SNAP25: variants seen among roughly 807,000 people sequenced by gnomAD.
SNAP25 encodes synaptosomal-associated protein 25.
SNAP25 carries 3 observed loss-of-function variants against 28.7 expected under a neutral mutation model. That is an observed-to-expected ratio of 0.10 (90% CI 0.05 to 0.27). The LOEUF (loss-of-function observed/expected upper bound fraction) is 0.27, where lower values mean the gene tolerates loss of function less well. Among genes scored for constraint, SNAP25 ranks in the 10% least tolerant of loss-of-function variants. SNAP25 has a pLI of 1.00. For synonymous variants in SNAP25, 61 were observed against 88.1 expected, an observed-to-expected ratio of 0.69 and a Z score of 1.72; for missense variants, 117 against 278.7, an observed-to-expected ratio of 0.42 and a Z score of 4.13.
At chr20:10,290,520 T>C (rs2063973376) in intron 4 of SNAP25, among the ~76,000 whole-genome samples, 2 of 152,130 alleles carry the variant, frequency 1.3e-5, no homozygotes, top group Non-Finnish European at 2.9e-5. Flanking sequence ...TTTCCCTTTT[T>C]AATATCAATT....
intron 1 of SNAP25, among the ~76,000 whole-genome samples, chr20:10,239,678 T>G (rs755436368): frequency 1.4e-4 from 22 of 152,188 alleles, no homozygotes; most frequent in Non-Finnish European, 3.1e-4. Flanking sequence ...ATGGGGAAAC[T>G]GAGGTTCTAA....
At chr20:10,274,492 A>T (rs1296181980) in intron 1 of SNAP25, among the ~76,000 whole-genome samples, 7 of 152,244 alleles carry the variant, frequency 4.6e-5, no homozygotes, top group Non-Finnish European at 1.0e-4. Context: ...AGTAGTACAC[A>T]CTATGTGATT....
At chr20:10,224,282 T>TTTTTTTTTTTTTTTG (rs2062693568) in intron 1 of SNAP25, among the ~76,000 whole-genome samples, 1 of 132,744 alleles carries the variant, frequency 7.5e-6, no homozygotes, top group Non-Finnish European at 1.6e-5. Context: ...TTTTTTTTTT[T>TTTTTTTTTTTTTTTG]TTTTTTTTTT....
In SNAP25 at chr20:10,279,349, T is replaced by C. The variant is rs548017330; in HGVS notation, c.114+1623T>C. The stretch of plus-strand genomic sequence containing the variant: ...GTATATTATTACATTATTATCATAA[T>C]ACATCCTTATGGCTTTCAACCATAG... On this transcript the variant is annotated intron_variant, in intron 3 of 7. Coordinates refer to ENST00000254976, the MANE Select transcript of SNAP25 (RefSeq NM_130811.4). 2.6e-5 allele frequency among the ~76,000 whole-genome samples: 4 copies of C among 152,364 alleles called. No individual in the cohort carries two copies. The South Asian group carries it at 8.3e-4, about 32-fold the overall frequency.
chr20:10,279,969 C>T (rs142673027), intron 3 of SNAP25, among the ~76,000 whole-genome samples: 1 of 152,274 alleles, frequency 6.6e-6, no homozygotes, highest in Non-Finnish European at 1.5e-5. Context: ...TCAAAAAGGA[C>T]GTTCTCTAAA....
chr20:10,231,743 C>G (rs1033801369), intron 1 of SNAP25: 1 of 152,114 alleles, frequency 6.6e-6, no homozygotes, highest in Non-Finnish European at 1.5e-5. Flanking sequence ...TTTTGAGCAC[C>G]AATATGACCC....
At chr20:10,269,521 T>C (rs116020433) in intron 1 of SNAP25, among the ~76,000 whole-genome samples, 2,382 of 152,356 alleles carry the variant, frequency 0.016, 69 homozygotes, top group African/African-American at 0.055. Context: ...TGTGTGTCTA[T>C]AGGAAATGTA....
chr20:10,234,904 T>G (rs1472016445), intron 1 of SNAP25, among the ~76,000 whole-genome samples: 3 of 152,096 alleles, frequency 2.0e-5, no homozygotes, highest in Non-Finnish European at 4.4e-5. Flanking sequence ...TAAAATAAAA[T>G]AAATAGGGAT....
At chr20:10,306,096 A>G (rs1351975148) in intron 7 of SNAP25, 33 bp from the exon 8 acceptor site, 1 of 1,609,746 alleles carries the variant, frequency 6.2e-7, no homozygotes, top group Non-Finnish European at 8.5e-7. Flanking sequence ...TTAAGGGGTA[A>G]CCTGAGTTCT....
chr20:10,298,877 A>G (rs2064170243), intron 6 of SNAP25, among the ~76,000 whole-genome samples: 2 of 152,216 alleles, frequency 1.3e-5, no homozygotes, highest in Non-Finnish European at 1.5e-5. Context: ...TAGAAATATT[A>G]AGAATATTCT....
intron 4 of SNAP25, among the ~76,000 whole-genome samples, chr20:10,287,207 C>T (rs2063896805): frequency 6.6e-6 from 1 of 152,028 alleles, no homozygotes; most frequent in Non-Finnish European, 1.5e-5. Context: ...AAACTACCAT[C>T]AGAGTGAACA....
intron 4 of SNAP25, among the ~76,000 whole-genome samples, chr20:10,286,073 CA>C (rs1399381760): frequency 2.6e-5 from 4 of 152,130 alleles, no homozygotes; most frequent in Non-Finnish European, 5.9e-5. Context: ...TATACATTTA[CA>C]GTTATATGAA....
chr20:10,275,249 G>C lies in SNAP25; in HGVS notation c.-63-180G>C, dbSNP rs750558521. On this transcript the variant is annotated intron_variant, in intron 1 of 7. Coordinates refer to ENST00000254976, the MANE Select transcript of SNAP25 (RefSeq NM_130811.4). ...TCTCCATGGCAGAATTGGCAAGTAT[G>C]TATTTGTGGCATCCTTCGGAGAAAC... Among the ~76,000 whole-genome samples, 17 of 152,244 alleles carry C rather than the reference G, an allele frequency of 1.1e-4. No individual in the cohort carries two copies. The Middle Eastern group carries it at 0.014, about 122-fold the overall frequency.
chr20:10,298,942 T>C (rs2064172313), intron 6 of SNAP25, among the ~76,000 whole-genome samples: 1 of 152,150 alleles, frequency 6.6e-6, no homozygotes, highest in Non-Finnish European at 1.5e-5. Context: ...CTAAAGTCCT[T>C]TCAAAGAAAA....
chr20:10,292,904 A>C lies in SNAP25; in HGVS notation c.164-257A>C, dbSNP rs141662815. On this transcript the variant is annotated intron_variant, in intron 4 of 7. Transcript: ENST00000254976. ...CAGAACAACTCGATCGTGTCGAAGA[A>C]GGCATGAACCATATCAACCAAGACA... 16 of 1,608,954 alleles carry C rather than the reference A, an allele frequency of 9.9e-6. No individual in the cohort carries two copies. Among genetic ancestry groups the C allele is most frequent in the Non-Finnish European group, 9.3e-6 (11 of 1,178,760 alleles).
At chr20:10,274,031 A>G (rs756412221) in intron 1 of SNAP25, among the ~76,000 whole-genome samples, 9 of 152,082 alleles carry the variant, frequency 5.9e-5, no homozygotes, top group Admixed American at 2.0e-4. Context: ...CATCTCCCCA[A>G]TTAGACTGAA....
At chr20:10,277,781 C>T in intron 3 of SNAP25, 55 bp downstream of exon 3, 1 of 1,486,376 alleles carries the variant, frequency 6.7e-7, no homozygotes, top group Non-Finnish European at 9.4e-7. Context: ...GCTGATACAT[C>T]CTTTCCTAGT....
At chr20:10,268,531 A>T (rs1227639871) in intron 1 of SNAP25, among the ~76,000 whole-genome samples, 2 of 152,198 alleles carry the variant, frequency 1.3e-5, no homozygotes, top group Admixed American at 1.3e-4. Flanking sequence ...TGTCCCCAGC[A>T]TAATAGCCAT....
intron 1 of SNAP25, among the ~76,000 whole-genome samples, chr20:10,265,861 T>C (rs1179429672): frequency 6.6e-6 from 1 of 152,306 alleles, no homozygotes; most frequent in South Asian, 2.1e-4. Flanking sequence ...GTGCTTGATA[T>C]GTTGTTCAGT....
Sources: gnomAD v4.1 joint callset for allele counts (sites outside exome capture counted in the v4.1 genomes callset) on GRCh38, gnomAD v4.1.1 for gene constraint, MANE v1.5 for transcripts, NCBI Gene and HGNC (gene_info 2026-07-23, HGNC 2026-07-21) for gene names.